Variants in KLRG1 observed in about 807,000 individuals in gnomAD.
KLRG1 encodes the protein killer cell lectin like receptor G1, also known as killer cell lectin-like receptor subfamily G member 1.
In KLRG1, 16 loss-of-function variants were observed where a neutral mutation model predicts 21.8. The observed-to-expected ratio is 0.73, with a 90% CI of 0.50 to 1.11. The LOEUF (loss-of-function observed/expected upper bound fraction) is 1.11, where lower values mean the gene tolerates loss of function less well. Ranked by LOEUF, KLRG1 falls within the 50% of genes most tolerant of loss-of-function variation. The probability of loss-of-function intolerance (pLI) is 0.00; values close to 1 mark genes in which losing one functional copy is unlikely to be tolerated. For synonymous variants in KLRG1, 69 were observed against 75.9 expected (o/e 0.91, Z 0.47); for missense variants, 173 against 218.3 (o/e 0.79, Z 1.31).
intron 1 of KLRG1, among the ~76,000 whole-genome samples, chr12:8,977,093 C>T (rs1255319342): frequency 6.6e-6 from 1 of 151,914 alleles, no homozygotes; most frequent in Non-Finnish European, 1.5e-5. Context: ...GCCATTTCTG[C>T]TCTCTTTTGG....
At chr12:8,974,208 C>T (rs1332659638) in intron 1 of KLRG1, among the ~76,000 whole-genome samples, 1 of 150,590 alleles carries the variant, frequency 6.6e-6, no homozygotes. Flanking sequence ...CACTCTGTTG[C>T]CCAGGCTGGA....
At chr12:8,957,557 TA>T (rs1946316172) in intron 1 of KLRG1, among the ~76,000 whole-genome samples, 1 of 152,204 alleles carries the variant, frequency 6.6e-6, no homozygotes, top group African/African-American at 2.4e-5. Context: ...TGTTTTTTTT[TA>T]GTAAGTCAAG....
intron 1 of KLRG1, among the ~76,000 whole-genome samples, chr12:8,971,652 G>A (rs1236945281): frequency 6.7e-6 from 1 of 148,548 alleles, no homozygotes; most frequent in African/African-American, 2.5e-5. Context: ...TACCACACCT[G>A]GCTAATTTTT....
the KLRG1 span, chr12:9,152,900 A>T: frequency 1.7e-5 from 27 of 1,614,006 alleles, no homozygotes; most frequent in Non-Finnish European, 2.3e-5. Context: ...TGCACTTTTA[A>T]AGCAAATGGG....
At chr12:9,025,317 T>G in the KLRG1 span, among the ~76,000 whole-genome samples, 1 of 152,010 alleles carries the variant, frequency 6.6e-6, no homozygotes, top group Non-Finnish European at 1.5e-5. Context: ...GTAACAAAAT[T>G]ATGTTGAAAG....
chr12:8,961,741 A>G (rs1189491043), intron 1 of KLRG1, among the ~76,000 whole-genome samples: 2 of 152,090 alleles, frequency 1.3e-5, no homozygotes, highest in Admixed American at 6.6e-5. Context: ...GAACACAACA[A>G]TATCTGGCAC....
chr12:8,956,498 G>A (rs1464651453), intron 1 of KLRG1, among the ~76,000 whole-genome samples: 1 of 152,110 alleles, frequency 6.6e-6, no homozygotes, highest in African/African-American at 2.4e-5. Flanking sequence ...AGACTGGAGT[G>A]CAGTGGTGTG....
chr12:9,015,360 A>G (rs2137471186), downstream of KLRG1, among the ~76,000 whole-genome samples: 1 of 152,302 alleles, frequency 6.6e-6, no homozygotes, highest in East Asian at 1.9e-4. Context: ...GACTGGCTCT[A>G]TTTACATCAG....
At chr12:9,197,008 T>G in the KLRG1 span, 2 of 1,588,522 alleles carry the variant, frequency 1.3e-6, no homozygotes, top group Non-Finnish European at 1.7e-6. Flanking sequence ...TACCGCCTAC[T>G]AACCTGTTGA....
the KLRG1 span, chr12:9,104,214 A>G: frequency 1.3e-6 from 2 of 1,599,312 alleles, no homozygotes; most frequent in Admixed American, 1.7e-5. Flanking sequence ...ACTTCATGTC[A>G]TTGGTAATTT....
chr12:9,068,316 T>G, the KLRG1 span: 1 of 1,266,240 alleles, frequency 7.9e-7, no homozygotes, highest in Non-Finnish European at 1.1e-6. Context: ...AAGGAAGGAG[T>G]TTGTTGTGGG....
chr12:9,151,551 C>T, the KLRG1 span: 3 of 1,449,502 alleles, frequency 2.1e-6, no homozygotes, highest in Non-Finnish European at 2.9e-6. Flanking sequence ...TAAAGAGACT[C>T]ACTTAGAAAG....
At chr12:9,069,722 A>C in the KLRG1 span, 1 of 1,598,206 alleles carries the variant, frequency 6.3e-7, no homozygotes, top group Non-Finnish European at 8.5e-7. Context: ...GTTTTTTTGC[A>C]AATAGACTGG....
At chr12:9,180,308 T>C in the KLRG1 span, among the ~76,000 whole-genome samples, 1 of 152,090 alleles carries the variant, frequency 6.6e-6, no homozygotes, top group Admixed American at 6.5e-5. Context: ...ACTTTAAAGT[T>C]CATATGGAAC....
the KLRG1 span, chr12:9,058,494 C>A: frequency 3.9e-5 from 6 of 152,038 alleles, no homozygotes; most frequent in Non-Finnish European, 1.5e-5. Flanking sequence ...TATAAATATT[C>A]ATATGCTCAT....
intron 1 of KLRG1, among the ~76,000 whole-genome samples, chr12:8,981,054 A>C (rs1946747273): frequency 6.6e-6 from 1 of 152,040 alleles, no homozygotes; most frequent in South Asian, 2.1e-4. Context: ...TTTTAATTGC[A>C]CTCCAGAACT....
the KLRG1 span, chr12:9,196,763 T>C: frequency 3.8e-6 from 5 of 1,314,350 alleles, no homozygotes; most frequent in South Asian, 3.7e-5. Flanking sequence ...CTGTCTCTAA[T>C]GACAAGAAAA....
chr12:9,199,253 A>C, the KLRG1 span, among the ~76,000 whole-genome samples: 22 of 152,294 alleles, frequency 1.4e-4, 1 homozygote, highest in Middle Eastern at 3.4e-3. Flanking sequence ...ATAAAATCCT[A>C]ATCATTGGCT....
At chr12:8,962,405 A>C (rs940513395) in intron 1 of KLRG1, among the ~76,000 whole-genome samples, 5 of 152,144 alleles carry the variant, frequency 3.3e-5, no homozygotes, top group African/African-American at 1.2e-4. Flanking sequence ...ACGTATTATC[A>C]GAAAATATCC....
Sources: gnomAD v4.1 joint callset for allele counts (sites outside exome capture counted in the v4.1 genomes callset) on GRCh38, gnomAD v4.1.1 for gene constraint, MANE v1.5 for transcripts, NCBI Gene and HGNC (gene_info 2026-07-23, HGNC 2026-07-21) for gene names.